STAT3: variants seen among roughly 807,000 people sequenced by gnomAD.
The protein encoded by STAT3 is signal transducer and activator of transcription 3.
A neutral mutation model predicts 114.3 loss-of-function variants in STAT3; 7 were observed. The observed-to-expected ratio is 0.06, with a 90% CI of 0.03 to 0.11. The LOEUF (loss-of-function observed/expected upper bound fraction) is 0.11. Among genes scored for constraint, STAT3 ranks in the 10% least tolerant of loss-of-function variants. STAT3 has a pLI of 1.00. For missense variants in STAT3, 364 were observed against 960.9 expected, an observed-to-expected ratio of 0.38 and a Z score of 8.21; for synonymous variants, 331 against 354.5, an observed-to-expected ratio of 0.93 and a Z score of 0.74.
rs141752526 is a variant in STAT3, at chr17:42,365,540, T to G, written c.-23-17001A>C. ...GCATTCGGCAACTAGAACAACATTT[T>G]TACTAACATAGTGATTGAATGTAGA... On this transcript the variant is annotated intron_variant, in intron 1 of 23. Coordinates refer to ENST00000264657, the MANE Select transcript of STAT3 (RefSeq NM_139276.3). 3.3e-3 allele frequency among the ~76,000 whole-genome samples: 506 copies of G among 152,280 alleles called. 5 individuals are homozygous for G. The highest frequency in any genetic ancestry group is 3.1e-3 in the Non-Finnish European group (209 of 68,030).
At chr17:42,370,026 C>T (rs760900265) in intron 1 of STAT3, among the ~76,000 whole-genome samples, 7 of 151,972 alleles carry the variant, frequency 4.6e-5, no homozygotes, top group East Asian at 1.9e-4. Flanking sequence ...GACTAGAGTG[C>T]GGTGGCGAGA....
chr17:42,316,263 T>C (rs2081245702), intron 23 of STAT3: 1 of 350,502 alleles, frequency 2.9e-6, no homozygotes, highest in Non-Finnish European at 5.1e-6. Flanking sequence ...TGAGATGGAG[T>C]CTCACTCTGT....
chr17:42,345,560 T>C lies in STAT3; in HGVS notation c.371A>G (p.Gln124Arg). The change falls in exon 4 of 24, where the codon CAG (glutamine) becomes CGG (arginine). Residue 124 changes from glutamine to arginine, a missense_variant and splice_region_variant. By Grantham distance (43) the Gln-to-Arg change is conservative. Transcript: ENST00000264657. ...RLLQTAATAAQQGGQANHPTA... is the reference protein window; with the variant it reads ...RLLQTAATAARQGGQANHPTA... ...GATTTGTTTTGTCTCAGGTCTCACC[T>C]GGGCCGCAGTGGCTGCAGTCTGTAG... 3 of 1,602,068 alleles carry C rather than the reference T, an allele frequency of 1.9e-6. No individual in the cohort carries two copies. The highest frequency in any genetic ancestry group is 2.2e-5 in the South Asian group (2 of 89,382).
At chr17:42,376,682 T>C (rs1258771021) in intron 1 of STAT3, among the ~76,000 whole-genome samples, 2 of 149,450 alleles carry the variant, frequency 1.3e-5, no homozygotes, top group South Asian at 2.1e-4. Flanking sequence ...CCGACTCTAC[T>C]AAAAATACAA....
chr17:42,360,313 G>A (rs901727981), intron 1 of STAT3, among the ~76,000 whole-genome samples: 2 of 151,178 alleles, frequency 1.3e-5, no homozygotes, highest in African/African-American at 4.9e-5. Flanking sequence ...GATTACAGAT[G>A]TGACCCACCG....
rs566350932 is a variant in STAT3, at chr17:42,329,618, T to C, written c.1169A>G (p.Asn390Ser). Reference sequence around the variant, plus strand: ...TTCTTCCATGTTCATCACTTTTGTGTTTGTGCCCAGAATGTTAAATTTCCG... The same window carrying C: ...TTCTTCCATGTTCATCACTTTTGTGCTTGTGCCCAGAATGTTAAATTTCCG... ...GSRKFNILGT[N>S]TKVMNMEESN... Residue 390 changes from asparagine (N) to serine (S), a missense_variant, in exon 13 of 24, where the codon AAC (asparagine) becomes AGC (serine). Transcript: ENST00000264657. 3 of 1,614,214 alleles carry C rather than the reference T, an allele frequency of 1.9e-6. No individual in the cohort carries two copies. In the African/African-American group the frequency reaches 4.0e-5, roughly 22 times the overall value.
At chr17:42,354,160 A>C (rs1001494571) in intron 1 of STAT3, among the ~76,000 whole-genome samples, 1 of 150,600 alleles carries the variant, frequency 6.6e-6, no homozygotes, top group African/African-American at 2.5e-5. Context: ...TAAGTAGTAC[A>C]ATAATTGTGT....
chr17:42,322,852 T>C lies in STAT3; in HGVS notation c.1888+152A>G, dbSNP rs1452139405. ...AACCAATCCTTCAGCTGGAAGGATT[T>C]AGAAGTCACGCAAATGTGTTTTGCG... On this transcript the variant is annotated intron_variant, in intron 20 of 23. Transcript: ENST00000264657. 1.5e-5 allele frequency: 17 copies of C among 1,099,128 alleles called. No homozygotes were observed. In the African/African-American group the frequency reaches 2.5e-4, roughly 16 times the overall value. The allele number at this position is 1,099,128 out of a possible 1,614,324, so 68.1% of individuals were successfully genotyped here.
intron 18 of STAT3, 35 bp from the exon 19 acceptor site, chr17:42,323,389 T>C (rs370610808): frequency 4.3e-6 from 7 of 1,609,568 alleles, no homozygotes; most frequent in Non-Finnish European, 5.1e-6. Context: ...CCAAGTCTAC[T>C]GCCATCCCAG....
chr17:42,378,102 C>T (rs1421561546), intron 1 of STAT3, among the ~76,000 whole-genome samples: 3 of 146,100 alleles, frequency 2.1e-5, no homozygotes, highest in Non-Finnish European at 1.5e-5. Context: ...TCTCCTGCCT[C>T]AGCCTCCTGA....
In STAT3 at chr17:42,314,354, A is replaced by T. The variant is rs1370385966; in HGVS notation, c.*1391T>A. 1 of 232,838 alleles carries T rather than the reference A, an allele frequency of 4.3e-6. No homozygotes were observed. The highest frequency in any genetic ancestry group is 8.5e-6 in the Non-Finnish European group (1 of 117,642). 14.4% of individuals were successfully genotyped at this position (232,838 alleles called of 1,614,324 possible). A position where few individuals can be genotyped will look rare whatever the true frequency, so the allele number is the denominator to read the frequency against. On this transcript the variant is annotated 3_prime_UTR_variant, in exon 24 of 24. Coordinates refer to ENST00000264657, the MANE Select transcript of STAT3 (RefSeq NM_139276.3). The stretch of plus-strand genomic sequence containing the variant: ...GGCCCCATAGTGTGCATCATGTCCA[A>T]CCTGTAACTCTCTCCCCCTCTTCTT...
At chr17:42,351,516 C>T (rs983712260) in intron 1 of STAT3, among the ~76,000 whole-genome samples, 7 of 152,152 alleles carry the variant, frequency 4.6e-5, no homozygotes, top group African/African-American at 1.2e-4. Flanking sequence ...CTTGAGCCAC[C>T]GTGTCCAGCC....
intron 17 of STAT3, among the ~76,000 whole-genome samples, chr17:42,323,852 T>C (rs1444463957): frequency 6.6e-6 from 1 of 152,134 alleles, no homozygotes; most frequent in Non-Finnish European, 1.5e-5. Flanking sequence ...GAGGGTGATA[T>C]AACAAGTCCC....
In STAT3 at chr17:42,345,590, C is replaced by T. The variant is rs1344978308; in HGVS notation, c.341G>A (p.Arg114His). ...IVARCLWEES[R>H]LLQTAATAAQ... ...CGCAGTGGCTGCAGTCTGTAGAAGG[C>T]GTGATTCTTCCCACAGGCACCGGGC... is the stretch of plus-strand genomic sequence containing the variant. The change falls in exon 4 of 24, where the codon CGC (arginine) becomes CAC (histidine). Residue 114 changes from arginine (R) to histidine (H), a missense_variant. By Grantham distance (29) the Arg-to-His change is conservative. Around this residue, in one of 5 missense-constraint regions of STAT3, gnomAD observed 294 missense variants for 745.1 expected, o/e 0.39. Transcript: ENST00000264657. 6 of 1,607,820 alleles carry T rather than the reference C, an allele frequency of 3.7e-6. No homozygotes were observed. The highest frequency in any genetic ancestry group is 2.2e-5 in the East Asian group (1 of 44,714).
At chr17:42,340,188 C>G (rs1380234832) in intron 4 of STAT3, among the ~76,000 whole-genome samples, 1 of 151,866 alleles carries the variant, frequency 6.6e-6, no homozygotes, top group Non-Finnish European at 1.5e-5. Flanking sequence ...AGAAACCCAT[C>G]TCTACTAAAA....
chr17:42,334,109 G>A (rs2082133087), intron 8 of STAT3, 60 bp from the exon 9 acceptor site: 3 of 1,597,196 alleles, frequency 1.9e-6, no homozygotes, highest in East Asian at 4.5e-5. Flanking sequence ...GTGAGATGGA[G>A]AAGGGGAAGG....
chr17:42,334,016 G>C lies in STAT3; in HGVS notation c.831C>G (p.Thr277=). The C allele has an allele frequency of 6.2e-7, 1 of 1,614,096 alleles. No individual in the cohort carries two copies. The highest frequency in any genetic ancestry group is 8.5e-7 in the Non-Finnish European group (1 of 1,180,042). The change falls in exon 9 of 24, where the codon ACC becomes ACG. Residue 277 remains threonine, a synonymous_variant. Coordinates refer to ENST00000264657, the MANE Select transcript of STAT3 (RefSeq NM_139276.3). ...ITSLAESQLQ[T]RQQIKKLEEL... ...CCTCCAGTTTCTTAATTTGTTGACG[G>C]GTCTGAAGTTGAGATTCTGCTAATG...
intron 1 of STAT3, among the ~76,000 whole-genome samples, chr17:42,375,907 C>T (rs942024398): frequency 1.3e-5 from 2 of 151,780 alleles, no homozygotes; most frequent in Non-Finnish European, 2.9e-5. Flanking sequence ...AATCCCAGCA[C>T]TTTGGGAGGC....
chr17:42,325,193 C>A, intron 15 of STAT3, 132 bp from the exon 16 acceptor site: 1 of 831,034 alleles, frequency 1.2e-6, no homozygotes, highest in Admixed American at 2.2e-5. Context: ...CAACTCTAGG[C>A]GAGGAGTGTG....
Sources: allele counts gnomAD v4.1 joint callset (sites outside exome capture counted in the v4.1 genomes callset), GRCh38; gene constraint gnomAD v4.1.1; regional missense constraint gnomAD v4.1.1; transcripts MANE v1.5; gene names NCBI Gene and HGNC (gene_info 2026-07-23, HGNC 2026-07-21).